CNTN4: variants seen among roughly 807,000 people sequenced by gnomAD.
CNTN4 encodes the protein contactin 4.
In CNTN4, 77 loss-of-function variants were observed where a neutral mutation model predicts 122.5. The observed-to-expected ratio is 0.63, with a 90% confidence interval of 0.52 to 0.76. The LOEUF is 0.76. Among genes scored for constraint, CNTN4 ranks in the 30% least tolerant of loss-of-function variants. The pLI is 0.00. For synonymous variants in CNTN4, 512 were observed against 447.0 expected (o/e 1.15, Z -1.83); for missense variants, 1,256 against 1,259.1 (o/e 1.00, Z 0.04).
chr3:2,673,139 A>C (rs963182419), intron 4 of CNTN4, among the ~76,000 whole-genome samples: 6 of 152,188 alleles, frequency 3.9e-5, no homozygotes, highest in African/African-American at 1.4e-4. Flanking sequence ...AAAATACGCA[A>C]TCTATGGTCA....
At chr3:2,225,012 C>T (rs111779523) in intron 2 of CNTN4, among the ~76,000 whole-genome samples, 10,603 of 150,598 alleles carry the variant, frequency 0.07, 605 homozygotes, top group African/African-American at 0.16. Context: ...TAGCCGGTTG[C>T]GGTGGCGGGC....
intron 12 of CNTN4, among the ~76,000 whole-genome samples, chr3:2,914,077 A>G (rs1436406842): frequency 6.6e-6 from 1 of 152,212 alleles, no homozygotes. Flanking sequence ...AGTAGAAGTC[A>G]CAATGTAATT....
intron 2 of CNTN4, among the ~76,000 whole-genome samples, chr3:2,192,468 G>A (rs1268239715): frequency 1.3e-5 from 2 of 152,126 alleles, no homozygotes; most frequent in Non-Finnish European, 2.9e-5. Context: ...CTTCTGCACA[G>A]CAAAAGAAAC....
At chr3:2,189,490 A>C (rs995811210) in intron 2 of CNTN4, among the ~76,000 whole-genome samples, 1 of 152,206 alleles carries the variant, frequency 6.6e-6, no homozygotes, top group African/African-American at 2.4e-5. Context: ...AGAGAGGGTC[A>C]GTGTTGTAGG....
At chr3:2,823,240 C>T (rs2092916559) in intron 7 of CNTN4, among the ~76,000 whole-genome samples, 1 of 152,162 alleles carries the variant, frequency 6.6e-6, no homozygotes, top group East Asian at 1.9e-4. Context: ...TGTAACAGAT[C>T]ATGCAGAGGA....
intron 7 of CNTN4, among the ~76,000 whole-genome samples, chr3:2,850,986 T>C (rs926080212): frequency 3.3e-5 from 5 of 152,324 alleles, no homozygotes; most frequent in African/African-American, 1.2e-4. Flanking sequence ...AGATAAGCTG[T>C]ATCAATTATT....
intron 2 of CNTN4, among the ~76,000 whole-genome samples, chr3:2,252,032 G>A (rs554574435): frequency 2.8e-4 from 43 of 151,852 alleles, no homozygotes; most frequent in Admixed American, 1.6e-3. Flanking sequence ...AATCAATAGC[G>A]TGTATGTATT....
chr3:2,713,595 A>G (rs943668890), intron 4 of CNTN4, among the ~76,000 whole-genome samples: 2 of 152,158 alleles, frequency 1.3e-5, no homozygotes, highest in African/African-American at 4.8e-5. Context: ...TGAAGGTCAG[A>G]AAATCTTTTA....
chr3:2,490,245 G>C (rs569322380), intron 3 of CNTN4, among the ~76,000 whole-genome samples: 5 of 152,182 alleles, frequency 3.3e-5, no homozygotes, highest in African/African-American at 9.7e-5. Flanking sequence ...GCTTTCTGCC[G>C]GTGTAGGCTG....
chr3:3,005,731 T>C (rs1188772161), intron 14 of CNTN4, among the ~76,000 whole-genome samples: 2 of 56,898 alleles, frequency 3.5e-5, no homozygotes, highest in African/African-American at 1.1e-4. Context: ...GGGCACTAAT[T>C]CCATTCATGA....
intron 13 of CNTN4, among the ~76,000 whole-genome samples, chr3:2,968,574 GA>G (rs1315088461): frequency 6.6e-6 from 1 of 152,126 alleles, no homozygotes; most frequent in Non-Finnish European, 1.5e-5. Context: ...TTGTAAGTCA[GA>G]AAAAACTTTT....
In CNTN4 at chr3:2,385,361, C is replaced by CTAT. The variant is rs2046211528; in HGVS notation, c.-89+46131_-89+46133dup. ...TATTACTCTTGTTGCACTGAATAAC[C>CTAT]TATTAGCATACTTAAGGCAGAGTCT... On this transcript the variant is annotated intron_variant, in intron 3 of 24. Coordinates refer to ENST00000418658, the MANE Select transcript of CNTN4 (RefSeq NM_175607.3). This position sits in a 1 kb window ranked among gnomAD's most constrained non-coding sequence, Gnocchi z 4.0. Among the ~76,000 whole-genome samples, 1 of 152,002 alleles carries CTAT rather than the reference C, an allele frequency of 6.6e-6. No homozygotes were observed. The highest frequency in any genetic ancestry group is 1.5e-5 in the Non-Finnish European group (1 of 68,020).
At chr3:2,654,473 C>G (rs2083492434) in intron 4 of CNTN4, among the ~76,000 whole-genome samples, 1 of 152,114 alleles carries the variant, frequency 6.6e-6, no homozygotes, top group South Asian at 2.1e-4. Context: ...AGATACAATC[C>G]TTTTTTCTCA....
intron 13 of CNTN4, among the ~76,000 whole-genome samples, chr3:2,983,030 C>T (rs554924149): frequency 3.3e-5 from 5 of 151,228 alleles, no homozygotes; most frequent in Admixed American, 6.6e-5. Context: ...CTGGCGAACA[C>T]GGTGAAAACC....
At chr3:2,642,915 G>T (rs1249842312) in intron 4 of CNTN4, among the ~76,000 whole-genome samples, 1 of 152,146 alleles carries the variant, frequency 6.6e-6, no homozygotes, top group African/African-American at 2.4e-5. Flanking sequence ...TGTGTGATTT[G>T]ATGCAAGTGA....
chr3:2,835,953 G>T (rs2093216082), intron 7 of CNTN4, among the ~76,000 whole-genome samples: 1 of 152,038 alleles, frequency 6.6e-6, no homozygotes, highest in African/African-American at 2.4e-5. Flanking sequence ...TCCAAGAGGA[G>T]CTTTGAGATA....
At chr3:2,763,089 G>C (rs550598482) in intron 6 of CNTN4, among the ~76,000 whole-genome samples, 2 of 151,848 alleles carry the variant, frequency 1.3e-5, no homozygotes, top group East Asian at 1.9e-4. Flanking sequence ...CTACAGGCAC[G>C]TGCCACCACG....
chr3:2,383,739 C>T (rs1361839564), intron 3 of CNTN4, among the ~76,000 whole-genome samples: 1 of 149,158 alleles, frequency 6.7e-6, no homozygotes, highest in South Asian at 2.1e-4. Flanking sequence ...TCCCTCTTCT[C>T]TCTTCTCCCT....
At chr3:2,411,926 T>C (rs867930185) in intron 3 of CNTN4, among the ~76,000 whole-genome samples, 2 of 152,186 alleles carry the variant, frequency 1.3e-5, no homozygotes, top group South Asian at 2.1e-4. Context: ...TTGATCAAGA[T>C]AGAGAATATT....
Sources: gnomAD v4.1 joint callset for allele counts (sites outside exome capture counted in the v4.1 genomes callset) on GRCh38, gnomAD v4.1.1 for gene constraint, Gnocchi (gnomAD v3.1) non-coding constraint, MANE v1.5 for transcripts, NCBI Gene and HGNC (gene_info 2026-07-23, HGNC 2026-07-21) for gene names.